WDR33: variants seen among roughly 807,000 people sequenced by gnomAD.
The protein encoded by WDR33 is WD repeat domain 33, also known as pre-mRNA 3' end processing protein WDR33.
In WDR33, 47 loss-of-function variants were observed where a neutral mutation model predicts 164.9. That is an observed-to-expected ratio of 0.29 (90% CI 0.23 to 0.36). The LOEUF (loss-of-function observed/expected upper bound fraction) is 0.36. WDR33 is among the 10% of genes least tolerant of loss of function. The pLI is 1.00. For synonymous variants in WDR33, 505 were observed against 589.0 expected (o/e 0.86, Z 2.06); for missense variants, 1,137 against 1,754.1 (o/e 0.65, Z 6.28).
rs574223974 is a variant in WDR33, at chr2:127,735,477, TA to T, written c.725-8701del. On this transcript the variant is annotated intron_variant, in intron 7 of 21. Transcript: ENST00000322313. This position sits in a 1 kb window ranked among gnomAD's most constrained non-coding sequence, Gnocchi z 4.3. ...ATCAGACCATTTTATGAACAAATCT[TA>T]AAAAAAATTCTTTTATACAAAACTT... The T allele has an allele frequency of 1.0e-6, 1 of 984,502 alleles. No homozygotes were observed. Among genetic ancestry groups the T allele is most frequent in the Non-Finnish European group, 1.2e-6 (1 of 828,804 alleles). The allele number at this position is 984,502 out of a possible 1,614,324, so 61.0% of individuals were successfully genotyped here. A position where few individuals can be genotyped will look rare whatever the true frequency, so the allele number is the denominator to read the frequency against.
Position 127,702,993 on chromosome 2 carries a change from TA to T in WDR33, c.*3329del, listed in dbSNP as rs1294885394. On this transcript the variant is annotated 3_prime_UTR_variant, in exon 22 of 22. Coordinates refer to ENST00000322313, the MANE Select transcript of WDR33 (RefSeq NM_018383.5). ...ATTCCTCATTGTATAGCCTGCTTTGTAAACTAGTTTACAATTTGCAGGCTGA... is the reference window on the plus strand; with the variant it reads ...ATTCCTCATTGTATAGCCTGCTTTGTAACTAGTTTACAATTTGCAGGCTGA... 7.2e-5 allele frequency: 12 copies of T among 167,124 alleles called. No individual in the cohort carries two copies. Among genetic ancestry groups the T allele is most frequent in the African/African-American group, 2.7e-4 (11 of 41,470 alleles). 10.4% of individuals were successfully genotyped at this position (167,124 alleles called of 1,614,324 possible). A position where few individuals can be genotyped will look rare whatever the true frequency, so the allele number is the denominator to read the frequency against.
At chr2:127,802,150 A>C (rs1323255151) in intron 1 of WDR33, among the ~76,000 whole-genome samples, 1 of 151,632 alleles carries the variant, frequency 6.6e-6, no homozygotes, top group African/African-American at 2.4e-5. Flanking sequence ...CCTGGAGGAG[A>C]GAGCAAGACT....
rs1364350746 is a variant in WDR33, at chr2:127,709,378, C to G, written c.3565+112G>C. On this transcript the variant is annotated intron_variant, in intron 20 of 21. Coordinates refer to ENST00000322313, the MANE Select transcript of WDR33 (RefSeq NM_018383.5). This position sits in a 1 kb window ranked among gnomAD's most constrained non-coding sequence, Gnocchi z 5.0. ...GCAGGACAGGAGACAGCCCAGCCCC[C>G]CGGGAGACATGAGCTGGAAAGAGGA... 2 of 1,034,554 alleles carry G rather than the reference C, an allele frequency of 1.9e-6. No homozygotes were observed. The highest frequency in any genetic ancestry group is 3.7e-5 in the Admixed American group (2 of 54,568). The allele number at this position is 1,034,554 out of a possible 1,614,324, so 64.1% of individuals were successfully genotyped here. A position where few individuals can be genotyped will look rare whatever the true frequency, so the allele number is the denominator to read the frequency against.
intron 1 of WDR33, among the ~76,000 whole-genome samples, chr2:127,786,842 TTC>T (rs1259798548): frequency 8.6e-5 from 10 of 116,644 alleles, no homozygotes; most frequent in Admixed American, 4.9e-4. Context: ...TTCCTTTCTG[TTC>T]TTTTTTTTTT....
At position 127,723,233 on chromosome 2, in the gene WDR33, C is replaced by T. The variant is rs372553838; in HGVS notation, c.1291+20G>A. 23 of 1,600,458 alleles carry T rather than the reference C, an allele frequency of 1.4e-5. No homozygotes were observed. The African/African-American group carries it at 2.8e-4, about 20-fold the overall frequency. On this transcript the variant is annotated intron_variant, in intron 12 of 21. Transcript: ENST00000322313. The surrounding 1 kb of genome is among the most constrained non-coding windows in gnomAD (Gnocchi z 5.9). ...TAGAATACCAGATTTCAAAGAAGGA[C>T]AGATGTGCAAGAGTCTCACCATATT...
rs761156480 is a variant in WDR33, at chr2:127,713,653, G to A, written c.3238C>T (p.Arg1080Cys). The change falls in exon 18 of 22, where the codon CGC (arginine) becomes TGC (cysteine). Residue 1080 changes from arginine (R) to cysteine (C), a missense_variant. By Grantham distance (180) the Arg-to-Cys change is radical. Coordinates refer to ENST00000322313, the MANE Select transcript of WDR33 (RefSeq NM_018383.5). The surrounding 1 kb of genome is among the most constrained non-coding windows in gnomAD (Gnocchi z 6.2). ...GGGAAACGTTCATCTCCGGGCCTGC[G>A]GCCTTCCCATGCCCCCGGAGGGCCT... ...ARGPPGAWEG[R>C]RPGDERFPRD... is the part of the protein sequence containing the mutation. The A allele has an allele frequency of 9.9e-6, 16 of 1,614,234 alleles. No individual in the cohort carries two copies. The highest frequency in any genetic ancestry group is 8.9e-5 in the East Asian group (4 of 44,886).
At chr2:127,785,822 T>C (rs1688544462) in intron 1 of WDR33, among the ~76,000 whole-genome samples, 1 of 152,216 alleles carries the variant, frequency 6.6e-6, no homozygotes, top group Non-Finnish European at 1.5e-5. Flanking sequence ...TATTTTCAAC[T>C]CATGTGACTC....
At chr2:127,740,113 T>A (rs1301924052) in intron 7 of WDR33, among the ~76,000 whole-genome samples, 1 of 152,216 alleles carries the variant, frequency 6.6e-6, no homozygotes, top group Non-Finnish European at 1.5e-5. Flanking sequence ...ACTTTTAATG[T>A]AAGTACTGAT....
intron 7 of WDR33, among the ~76,000 whole-genome samples, chr2:127,740,476 T>C (rs1051088389): frequency 4.3e-4 from 65 of 151,446 alleles, no homozygotes; most frequent in African/African-American, 1.5e-3. Context: ...GCCCGGGAGG[T>C]CAAGGATGCA....
chr2:127,794,489 G>A (rs1259068144), intron 1 of WDR33, among the ~76,000 whole-genome samples: 7 of 150,022 alleles, frequency 4.7e-5, no homozygotes, highest in Non-Finnish European at 7.4e-5. Context: ...GGACAAGAGC[G>A]AGACTTCATC....
intron 1 of WDR33, among the ~76,000 whole-genome samples, chr2:127,787,147 CAT>C (rs1425359091): frequency 1.1e-5 from 1 of 90,628 alleles, no homozygotes; most frequent in Non-Finnish European, 2.1e-5. Context: ...GGACACAGCA[CAT>C]GTTTCAGAGA....
intron 7 of WDR33, among the ~76,000 whole-genome samples, chr2:127,732,769 T>C (rs13396516): frequency 0.021 from 3,238 of 152,252 alleles, 126 homozygotes; most frequent in African/African-American, 0.075. Flanking sequence ...TTCAAGATAC[T>C]GTGGGTTTTG....
intron 1 of WDR33, among the ~76,000 whole-genome samples, chr2:127,805,435 T>G (rs1472406078): frequency 1.3e-5 from 2 of 152,172 alleles, no homozygotes; most frequent in Middle Eastern, 6.8e-3. Context: ...CAAACCTCTC[T>G]AGATCTAACT....
At position 127,709,540 on chromosome 2, in the gene WDR33, C is replaced by T. The variant is rs754952029; in HGVS notation, c.3515G>A (p.Arg1172His). Residue 1172 changes from arginine (R) to histidine (H), a missense_variant, in exon 20 of 22, where the codon CGC (arginine) becomes CAC (histidine). This residue lies in a region of WDR33 where 867 missense variants were observed against 1,073.0 expected (regional missense o/e 0.81). Transcript: ENST00000322313. This position sits in a 1 kb window ranked among gnomAD's most constrained non-coding sequence, Gnocchi z 5.0. Reference sequence around the variant, plus strand: ...ATCTGGCTTCCGCCCTCCTTCAAAGCGAGGGAACTCGTCAGGAGTGGGAAG... The same window carrying T: ...ATCTGGCTTCCGCCCTCCTTCAAAGTGAGGGAACTCGTCAGGAGTGGGAAG... ...GLLPTPDEFP[R>H]FEGGRKPDSW... is the part of the protein sequence containing the mutation. 5.0e-6 allele frequency: 8 copies of T among 1,614,014 alleles called. No individual in the cohort carries two copies. The Admixed American group carries it at 8.3e-5, about 17-fold the overall frequency.
chr2:127,719,371 C>A lies in WDR33; in HGVS notation c.2654G>T (p.Gly885Val). The change falls in exon 16 of 22, where the codon GGA becomes GTA. Residue 885 changes from glycine to valine, a missense_variant. By Grantham distance (109) the Gly-to-Val change is moderately radical. Transcript: ENST00000322313. This position sits in a 1 kb window ranked among gnomAD's most constrained non-coding sequence, Gnocchi z 6.5. ...TGGCCCTCTTGCTGGGTTCTGCTGT[C>A]CCTGAGGTCCGGGGGGTCCTTGCAT... Reference protein sequence around the residue: ...GGMQGPPGPQGQQNPARGPHP... With the variant: ...GGMQGPPGPQVQQNPARGPHP... 1 of 1,516,882 alleles carries A rather than the reference C, an allele frequency of 6.6e-7. No homozygotes were observed. The highest frequency in any genetic ancestry group is 8.8e-7 in the Non-Finnish European group (1 of 1,134,564). 94.0% of individuals were successfully genotyped at this position (1,516,882 alleles called of 1,614,324 possible). A position where few individuals can be genotyped will look rare whatever the true frequency, so the allele number is the denominator to read the frequency against.
chr2:127,719,145 C>T lies in WDR33; in HGVS notation c.2760+120G>A. The T allele has an allele frequency of 1.6e-6, 2 of 1,227,158 alleles. No homozygotes were observed. The highest frequency in any genetic ancestry group is 3.3e-5 in the South Asian group (1 of 29,918). 76.0% of individuals were successfully genotyped at this position (1,227,158 alleles called of 1,614,324 possible). Reference sequence around the variant, plus strand: ...GCCAGGATGCTAGTATCTTAAGCTACTGTCACTACTTGATAAGTATTTATA... The same window carrying T: ...GCCAGGATGCTAGTATCTTAAGCTATTGTCACTACTTGATAAGTATTTATA... On this transcript the variant is annotated intron_variant, in intron 16 of 21. Transcript: ENST00000322313. The surrounding 1 kb of genome is among the most constrained non-coding windows in gnomAD (Gnocchi z 6.5).
In WDR33 at chr2:127,723,895, G is replaced by A. The variant is rs1462910135; in HGVS notation, c.1196+438C>T. On this transcript the variant is annotated intron_variant, in intron 11 of 21. Transcript: ENST00000322313. The surrounding 1 kb of genome is among the most constrained non-coding windows in gnomAD (Gnocchi z 5.9). The stretch of plus-strand genomic sequence containing the variant: ...AGTTTGACATCAGCCTGGGCAACAT[G>A]GTGAAACCCCATCTCTACAAAAAAT... Among the ~76,000 whole-genome samples the A allele has an allele frequency of 6.6e-6, 1 of 152,054 alleles. No homozygotes were observed. Among genetic ancestry groups the A allele is most frequent in the Non-Finnish European group, 1.5e-5 (1 of 68,018 alleles).
In WDR33 at chr2:127,709,090, G is replaced by A. The variant is rs943236897; in HGVS notation, c.3566-198C>T. The stretch of plus-strand genomic sequence containing the variant: ...GGGGCAGGTAAGATCCAGAGAACTC[G>A]TTCTCAGGCATTGTAGTATCAAGAC... On this transcript the variant is annotated intron_variant, in intron 20 of 21. Coordinates refer to ENST00000322313, the MANE Select transcript of WDR33 (RefSeq NM_018383.5). This position sits in a 1 kb window ranked among gnomAD's most constrained non-coding sequence, Gnocchi z 5.0. 2.0e-5 allele frequency among the ~76,000 whole-genome samples: 3 copies of A among 152,140 alleles called. No homozygotes were observed. The highest frequency in any genetic ancestry group is 4.4e-5 in the Non-Finnish European group (3 of 68,020).
rs939725433 is a variant in WDR33 at position 127,783,636 on chromosome 2, G to A, written c.-23-12632C>T. 3.6e-5 allele frequency among the ~76,000 whole-genome samples: 4 copies of A among 111,610 alleles called. No individual in the cohort carries two copies. The South Asian group carries it at 8.5e-4, about 24-fold the overall frequency. 73.2% of individuals were successfully genotyped at this position (111,610 alleles called of 152,430 possible). On this transcript the variant is annotated intron_variant, in intron 1 of 21. Coordinates refer to ENST00000322313, the MANE Select transcript of WDR33 (RefSeq NM_018383.5). ...TTTTTTTTTTTTTTGAGACAGTCTC[G>A]CTCTGGTGCCCAGGCTGGAGTACAG...
Sources: allele counts gnomAD v4.1 joint callset (sites outside exome capture counted in the v4.1 genomes callset), GRCh38; gene constraint gnomAD v4.1.1; regional missense constraint gnomAD v4.1.1; non-coding constraint Gnocchi (gnomAD v3.1); transcripts MANE v1.5; gene names NCBI Gene and HGNC (gene_info 2026-07-23, HGNC 2026-07-21).